SNX29: variants seen among roughly 807,000 people sequenced by gnomAD.
SNX29 encodes the protein sorting nexin-29.
In SNX29, 78 loss-of-function variants were observed where a neutral mutation model predicts 102.1. That is an observed-to-expected ratio of 0.76 (90% CI 0.64 to 0.92). The LOEUF is 0.92. SNX29 is among the 40% of genes least tolerant of loss of function. The pLI is 0.00. For synonymous variants in SNX29, 580 were observed against 414.5 expected (o/e 1.40, Z -4.85); for missense variants, 1,280 against 1,061.7 (o/e 1.21, Z -2.86).
chr16:12,558,939 A>T (rs1467128620), intron 20 of SNX29, among the ~76,000 whole-genome samples: 1 of 152,192 alleles, frequency 6.6e-6, no homozygotes, highest in East Asian at 1.9e-4. Flanking sequence ...AGGTGGGTTG[A>T]TATCGGCCCC....
intron 20 of SNX29, among the ~76,000 whole-genome samples, chr16:12,532,100 G>A (rs1043639954): frequency 6.6e-6 from 1 of 152,156 alleles, no homozygotes; most frequent in South Asian, 2.1e-4. Flanking sequence ...GGAGAGACGT[G>A]GTCACGATCT....
intron 11 of SNX29, among the ~76,000 whole-genome samples, chr16:12,107,862 G>A (rs540391423): frequency 6.6e-6 from 1 of 152,128 alleles, no homozygotes; most frequent in East Asian, 1.9e-4. Flanking sequence ...GAAACTGTGT[G>A]CCACAGGGAT....
intron 11 of SNX29, among the ~76,000 whole-genome samples, chr16:12,093,324 G>C (rs1464388313): frequency 6.6e-6 from 1 of 152,324 alleles, no homozygotes; most frequent in African/African-American, 2.4e-5. Context: ...TTCAAGAGCT[G>C]TGTGGCTACG....
At chr16:12,050,414 G>C (rs374144683) in intron 7 of SNX29, among the ~76,000 whole-genome samples, 11 of 152,180 alleles carry the variant, frequency 7.2e-5, no homozygotes, top group African/African-American at 2.7e-4. Flanking sequence ...TAAAAATGTA[G>C]CGGCTTAAAA....
rs1371551102 is a variant in SNX29, at chr16:12,573,164, G to T, written c.*4535G>T. The T allele has an allele frequency of 8.8e-6, 2 of 226,168 alleles. No homozygotes were observed. The highest frequency in any genetic ancestry group is 1.8e-4 in the South Asian group (1 of 5,454). 14.0% of individuals were successfully genotyped at this position (226,168 alleles called of 1,614,324 possible). A position where few individuals can be genotyped will look rare whatever the true frequency, so the allele number is the denominator to read the frequency against. On this transcript the variant is annotated 3_prime_UTR_variant, in exon 21 of 21. Coordinates refer to ENST00000566228, the MANE Select transcript of SNX29 (RefSeq NM_032167.5). ...TAAAGCTTCAGCTCCTTGGTCAATA[G>T]AAGTAAGGGTGTAGCCATCCAGGGT...
rs559483835 is a variant in SNX29 at position 12,202,835 on chromosome 16, T to C, written c.1678+3152T>C. On this transcript the variant is annotated intron_variant, in intron 14 of 20. Transcript: ENST00000566228. ...GCAGAGAGGCCCCTTGGCAGCTCAC[T>C]GAGGGGTCTGGGGAGAGCAGGTGCA... Among the ~76,000 whole-genome samples, 8 of 152,362 alleles carry C rather than the reference T, an allele frequency of 5.3e-5. No individual in the cohort carries two copies. In the South Asian group the frequency reaches 6.2e-4, roughly 12 times the overall value.
At chr16:12,153,556 C>T (rs941135662) in intron 13 of SNX29, among the ~76,000 whole-genome samples, 1 of 151,978 alleles carries the variant, frequency 6.6e-6, no homozygotes, top group Non-Finnish European at 1.5e-5. Flanking sequence ...TCACTGCAGC[C>T]TCTGCCTCCT....
intron 13 of SNX29, among the ~76,000 whole-genome samples, chr16:12,170,416 C>G (rs545296043): frequency 1.3e-5 from 2 of 152,072 alleles, no homozygotes; most frequent in Admixed American, 1.3e-4. Flanking sequence ...AGCTCTGGGT[C>G]TCCTCTGTTA....
At chr16:12,000,015 AC>A (rs1351374669) in intron 2 of SNX29, among the ~76,000 whole-genome samples, 1 of 151,696 alleles carries the variant, frequency 6.6e-6, no homozygotes, top group East Asian at 1.9e-4. Context: ...TGGAGTTAGG[AC>A]CCTCGAGCAC....
intron 20 of SNX29, among the ~76,000 whole-genome samples, chr16:12,548,161 C>T (rs537850110): frequency 6.6e-6 from 1 of 152,312 alleles, no homozygotes; most frequent in South Asian, 2.1e-4. Context: ...TTCATCTTGG[C>T]CACACACATT....
At chr16:12,524,589 C>A in intron 19 of SNX29, 113 bp from the exon 20 acceptor site, 1 of 1,239,986 alleles carries the variant, frequency 8.1e-7, no homozygotes, top group Non-Finnish European at 1.1e-6. Context: ...GATAGTTGCT[C>A]AATCAGTGTT....
At chr16:12,481,653 G>A (rs532052419) in intron 19 of SNX29, among the ~76,000 whole-genome samples, 1 of 151,958 alleles carries the variant, frequency 6.6e-6, no homozygotes, top group East Asian at 1.9e-4. Flanking sequence ...TCCTGCCTCA[G>A]CCTCCCGAGT....
chr16:12,381,550 A>G (rs866485254), intron 16 of SNX29, among the ~76,000 whole-genome samples: 2 of 40,406 alleles, frequency 4.9e-5, no homozygotes, highest in Admixed American at 3.3e-4. Context: ...CCATCCACCT[A>G]TCCACCCAGC....
At chr16:11,984,329 G>A (rs2055513114) in intron 1 of SNX29, among the ~76,000 whole-genome samples, 1 of 149,462 alleles carries the variant, frequency 6.7e-6, no homozygotes, top group Non-Finnish European at 1.5e-5. Flanking sequence ...AAGTACCATT[G>A]CACTCCAGCC....
chr16:12,315,723 A>AC (rs2080711122), intron 15 of SNX29, among the ~76,000 whole-genome samples: 1 of 152,202 alleles, frequency 6.6e-6, no homozygotes, highest in Non-Finnish European at 1.5e-5. Context: ...TGTTGTTTGA[A>AC]CAACCGTCTG....
At chr16:12,198,164 A>C (rs1397553501) in intron 13 of SNX29, among the ~76,000 whole-genome samples, 1 of 152,208 alleles carries the variant, frequency 6.6e-6, no homozygotes. Context: ...TTGTCAAAGC[A>C]TGGAGGAAGG....
intron 1 of SNX29, among the ~76,000 whole-genome samples, chr16:11,979,035 G>C (rs571005709): frequency 8.6e-5 from 13 of 151,982 alleles, no homozygotes; most frequent in Non-Finnish European, 1.9e-4. Flanking sequence ...CAGCACTTTG[G>C]GAGGCAGATG....
Position 12,568,520 on chromosome 16 carries a change from C to A in SNX29, c.2333C>A (p.Pro778His), listed in dbSNP as rs756975239. 21 of 1,610,046 alleles carry A rather than the reference C, an allele frequency of 1.3e-5. No individual in the cohort carries two copies. The highest frequency in any genetic ancestry group is 1.7e-5 in the Non-Finnish European group (20 of 1,179,862). Reference sequence around the variant, plus strand: ...TGCTCTTTCAGCGACATCACCCCGCCCGGAGAGCCTGTGAACAGCCGGCCC... The same window carrying A: ...TGCTCTTTCAGCGACATCACCCCGCACGGAGAGCCTGTGAACAGCCGGCCC... ...LMPFFVDITP[P>H]GEPVNSRPKA... The change falls in exon 21 of 21, where the codon CCC (proline) becomes CAC (histidine). Residue 778 changes from proline (P) to histidine (H), a missense_variant. Physicochemically the swap from Pro to His is moderately conservative, Grantham distance 77. Coordinates refer to ENST00000566228, the MANE Select transcript of SNX29 (RefSeq NM_032167.5).
intron 11 of SNX29, among the ~76,000 whole-genome samples, chr16:12,106,377 T>C (rs561381949): frequency 3.2e-4 from 49 of 152,250 alleles, no homozygotes; most frequent in African/African-American, 1.2e-3. Context: ...GGTGGTGCCA[T>C]TACATTTCAG....
Sources: gnomAD v4.1 joint callset for allele counts (sites outside exome capture counted in the v4.1 genomes callset) on GRCh38, gnomAD v4.1.1 for gene constraint, MANE v1.5 for transcripts, NCBI Gene and HGNC (gene_info 2026-07-23, HGNC 2026-07-21) for gene names.